STAMBP: variants seen among roughly 807,000 people sequenced by gnomAD.
The protein encoded by STAMBP is STAM binding protein, also known as STAM-binding protein.
A neutral mutation model predicts 50.7 loss-of-function variants in STAMBP; 31 were observed. The observed-to-expected ratio is 0.61, with a 90% CI of 0.46 to 0.83. The LOEUF (loss-of-function observed/expected upper bound fraction) is 0.83, where lower values mean the gene tolerates loss of function less well. STAMBP is among the 40% of genes least tolerant of loss of function. STAMBP has a pLI of 0.00. For missense variants in STAMBP, 472 were observed against 518.9 expected, an observed-to-expected ratio of 0.91 and a Z score of 0.88; for synonymous variants, 211 against 192.4, an observed-to-expected ratio of 1.10 and a Z score of -0.80.
chr2:73,845,371 CT>C, intron 4 of STAMBP, 109 bp downstream of exon 4: 8 of 771,644 alleles, frequency 1.0e-5, no homozygotes, highest in East Asian at 2.7e-5. Context: ...GCTGTTTCAC[CT>C]TTTTTGGGCA....
chr2:73,831,987 T>A (rs942872525), intron 2 of STAMBP, among the ~76,000 whole-genome samples: 1 of 151,656 alleles, frequency 6.6e-6, no homozygotes, highest in African/African-American at 2.4e-5. Context: ...CATTTAGTAA[T>A]GTTCTAGAGT....
At chr2:73,834,440 A>G (rs1221542239) in intron 2 of STAMBP, among the ~76,000 whole-genome samples, 4 of 151,494 alleles carry the variant, frequency 2.6e-5, no homozygotes, top group Non-Finnish European at 5.9e-5. Context: ...AGAGAATGTT[A>G]TTAAGAAAAT....
At chr2:73,856,367 G>A (rs779914069) in intron 7 of STAMBP, among the ~76,000 whole-genome samples, 2 of 152,208 alleles carry the variant, frequency 1.3e-5, no homozygotes, top group African/African-American at 2.4e-5. Flanking sequence ...GGTTTACTAA[G>A]TCCTTGACTT....
intron 7 of STAMBP, among the ~76,000 whole-genome samples, chr2:73,855,082 T>C (rs1362964389): frequency 6.6e-6 from 1 of 152,246 alleles, no homozygotes; most frequent in East Asian, 1.9e-4. Context: ...TTCTTCCTTC[T>C]TAACCTTGTC....
chr2:73,859,488 T>C (rs890861031), intron 8 of STAMBP, 122 bp downstream of exon 8: 12 of 770,552 alleles, frequency 1.6e-5, no homozygotes, highest in Non-Finnish European at 2.7e-5. Context: ...ATAATGTAAG[T>C]TGGTTATTCT....
chr2:73,857,873 A>G (rs1370830012), intron 7 of STAMBP, among the ~76,000 whole-genome samples: 1 of 151,996 alleles, frequency 6.6e-6, no homozygotes, highest in Admixed American at 6.6e-5. Context: ...GCTGGGGACA[A>G]TGCAATCTAA....
chr2:73,853,032 T>C (rs6722659), intron 7 of STAMBP, among the ~76,000 whole-genome samples: 66,971 of 151,408 alleles, frequency 0.44, 17,123 homozygotes, highest in African/African-American at 0.72. Context: ...CTCGTGATTA[T>C]AGGCATGAGC....
At chr2:73,830,475 G>A (rs923844545) in intron 1 of STAMBP, among the ~76,000 whole-genome samples, 12 of 152,258 alleles carry the variant, frequency 7.9e-5, no homozygotes, top group African/African-American at 2.4e-4. Flanking sequence ...TCTGGAAGGA[G>A]AAATAATAGA....
chr2:73,832,108 T>TATATATATATACACAC lies in STAMBP; in HGVS notation c.203+1050_203+1051insTATATATATACACACA, dbSNP rs1006072205. 1.7e-3 allele frequency among the ~76,000 whole-genome samples: 212 copies of TATATATATATACACAC among 122,878 alleles called. 1 individual carries two copies. Among genetic ancestry groups the TATATATATATACACAC allele is most frequent in the African/African-American group, 7.2e-3 (204 of 28,530 alleles). 80.6% of individuals were successfully genotyped at this position (122,878 alleles called of 152,430 possible). A position where few individuals can be genotyped will look rare whatever the true frequency, so the allele number is the denominator to read the frequency against. On this transcript the variant is annotated intron_variant, in intron 2 of 9. Transcript: ENST00000394070. The stretch of plus-strand genomic sequence containing the variant: ...ACATATATATATATATATATATATA[T>TATATATATATACACAC]ACACATATATATGGTGCACAATTCA...
rs777703936 is a variant in STAMBP, at chr2:73,859,402, G to C, written c.1118+36G>C. 64 of 1,533,652 alleles carry C rather than the reference G, an allele frequency of 4.2e-5. No individual in the cohort carries two copies. The South Asian group carries it at 5.9e-4, about 14-fold the overall frequency. ...AGGGCATGGTTCTGGGTGTTTCAAG[G>C]GGGTAGTAGGGAAGAAAGCCTCAGG... On this transcript the variant is annotated intron_variant, in intron 8 of 9. Transcript: ENST00000394070.
intron 6 of STAMBP, among the ~76,000 whole-genome samples, chr2:73,849,858 C>G (rs765351315): frequency 6.6e-6 from 1 of 151,966 alleles, no homozygotes; most frequent in African/African-American, 2.4e-5. Context: ...CAGACATGCA[C>G]TAAAGTCTAA....
intron 9 of STAMBP, 24 bp from the exon 10 acceptor site, chr2:73,862,179 C>T (rs1333082750): frequency 3.1e-6 from 5 of 1,591,452 alleles, no homozygotes; most frequent in East Asian, 4.5e-5. Flanking sequence ...TCTAGGACTC[C>T]ACCTTTCTTT....
chr2:73,844,101 T>C (rs1161057328), intron 2 of STAMBP, among the ~76,000 whole-genome samples: 1 of 152,240 alleles, frequency 6.6e-6, no homozygotes, highest in Non-Finnish European at 1.5e-5. Context: ...CCTAAGTAGA[T>C]GTCTTAAATG....
intron 4 of STAMBP, among the ~76,000 whole-genome samples, chr2:73,845,919 G>T (rs935735049): frequency 1.3e-5 from 2 of 152,056 alleles, no homozygotes; most frequent in Non-Finnish European, 2.9e-5. Context: ...GGCGTGAGCC[G>T]CTGCACCCAG....
chr2:73,831,498 C>T (rs1251066641), intron 2 of STAMBP, among the ~76,000 whole-genome samples: 1 of 152,116 alleles, frequency 6.6e-6, no homozygotes, highest in Non-Finnish European at 1.5e-5. Context: ...TTATCATAAT[C>T]ATGCAAATCA....
intron 2 of STAMBP, among the ~76,000 whole-genome samples, chr2:73,832,312 G>A (rs761081760): frequency 1.3e-5 from 2 of 151,280 alleles, no homozygotes; most frequent in Non-Finnish European, 1.5e-5. Context: ...AAAATTAGTC[G>A]GGCATGGTGG....
Position 73,847,725 on chromosome 2 carries a change from A to G in STAMBP, c.714A>G (p.Lys238=). The G allele has an allele frequency of 6.2e-7, 1 of 1,613,776 alleles. No homozygotes were observed. Among genetic ancestry groups the G allele is most frequent in the Non-Finnish European group, 8.5e-7 (1 of 1,179,898 alleles). ...CACCTGTGGTGGACAGGTCCTTGAA[A>G]CCTGGAGCACTGAGCAACTCAGAAA... ...AKPPVVDRSL[K]PGALSNSESI... The change falls in exon 5 of 10, where the codon AAA becomes AAG. Residue 238 remains lysine (K), a synonymous_variant. Transcript: ENST00000394070.
chr2:73,837,410 C>A (rs1209304115), intron 2 of STAMBP, among the ~76,000 whole-genome samples: 3 of 148,594 alleles, frequency 2.0e-5, no homozygotes, highest in Non-Finnish European at 4.5e-5. Context: ...ATGGTGAAAC[C>A]CCATCTCTAC....
At chr2:73,860,297 G>A in intron 9 of STAMBP, 146 bp downstream of exon 9, 2 of 678,038 alleles carry the variant, frequency 2.9e-6, no homozygotes, top group South Asian at 2.1e-5. Context: ...GGACGTACAT[G>A]AGAAGCAGTG....
Sources: gnomAD v4.1 joint callset for allele counts (sites outside exome capture counted in the v4.1 genomes callset) on GRCh38, gnomAD v4.1.1 for gene constraint, MANE v1.5 for transcripts, NCBI Gene and HGNC (gene_info 2026-07-23, HGNC 2026-07-21) for gene names.